CACNA2D1: variants seen among roughly 807,000 people sequenced by gnomAD.
The protein encoded by CACNA2D1 is voltage-dependent calcium channel subunit alpha-2/delta-1.
Under a neutral mutation model 171.5 loss-of-function variants are expected in CACNA2D1, and 53 were observed. That is an observed-to-expected ratio of 0.31 (90% CI 0.25 to 0.39). The LOEUF (loss-of-function observed/expected upper bound fraction) is 0.39, where lower values mean the gene tolerates loss of function less well. Among genes scored for constraint, CACNA2D1 ranks in the 10% least tolerant of loss-of-function variants. The pLI, the probability that CACNA2D1 is intolerant of heterozygous loss-of-function variation, is 1.00. For missense variants in CACNA2D1, 903 were observed against 1,299.8 expected (o/e 0.69, Z 4.69); for synonymous variants, 442 against 443.1 (o/e 1.00, Z 0.03).
At chr7:82,082,325 A>G (rs1486284885) in intron 7 of CACNA2D1, among the ~76,000 whole-genome samples, 2 of 152,084 alleles carry the variant, frequency 1.3e-5, no homozygotes, top group African/African-American at 4.8e-5. Flanking sequence ...GAGAGCAGAG[A>G]AGAATCTTAT....
intron 3 of CACNA2D1, among the ~76,000 whole-genome samples, chr7:82,297,026 G>A (rs566425671): frequency 7.1e-6 from 1 of 140,538 alleles, no homozygotes; most frequent in South Asian, 2.3e-4. Flanking sequence ...CTTAAGTCCA[G>A]GAGTTGGAGA....
chr7:82,443,293 G>C, intron 1 of CACNA2D1, 72 bp downstream of exon 1: 2 of 1,455,144 alleles, frequency 1.4e-6, no homozygotes, highest in Middle Eastern at 2.0e-4. Flanking sequence ...CCCGCGACTC[G>C]GGAACCGACC....
intron 1 of CACNA2D1, among the ~76,000 whole-genome samples, chr7:82,357,337 CTT>C (rs1171341535): frequency 6.6e-6 from 1 of 152,084 alleles, no homozygotes; most frequent in Non-Finnish European, 1.5e-5. Context: ...ACAAATTACA[CTT>C]TGTGTAATCT....
At chr7:82,345,681 A>AGTGTGT (rs3054696) in intron 2 of CACNA2D1, among the ~76,000 whole-genome samples, 11,910 of 146,350 alleles carry the variant, frequency 0.081, 624 homozygotes, top group East Asian at 0.23. Context: ...TAGCTAAAGG[A>AGTGTGT]GTGTGTGTGT....
intron 6 of CACNA2D1, among the ~76,000 whole-genome samples, chr7:82,116,777 G>A (rs924624699): frequency 1.3e-5 from 2 of 152,196 alleles, no homozygotes; most frequent in South Asian, 4.1e-4. Flanking sequence ...AACTGGGAAA[G>A]CAGAATTATT....
In CACNA2D1 at chr7:82,096,570, A is replaced by G. The variant is rs543083204; in HGVS notation, c.527-11670T>C. On this transcript the variant is annotated intron_variant, in intron 6 of 38. Transcript: ENST00000356860. ...AGCCATGGAAATATTAATATAAAGC[A>G]TTTCAATAAACCAGTAGACACAATG... Among the ~76,000 whole-genome samples the G allele has an allele frequency of 7.7e-4, 116 of 151,314 alleles. 1 individual carries two copies. The highest frequency in any genetic ancestry group is 2.7e-3 in the African/African-American group (112 of 41,154).
chr7:82,073,958 C>G (rs1165168456), intron 7 of CACNA2D1, among the ~76,000 whole-genome samples: 1 of 151,912 alleles, frequency 6.6e-6, no homozygotes, highest in East Asian at 1.9e-4. Flanking sequence ...GCTCTAGGAA[C>G]TAGGCACATA....
intron 3 of CACNA2D1, among the ~76,000 whole-genome samples, chr7:82,220,786 T>TTTC (rs1221667330): frequency 6.8e-6 from 1 of 147,624 alleles, no homozygotes; most frequent in Non-Finnish European, 1.5e-5. Flanking sequence ...TTTTTCTTTT[T>TTTC]TTTTTTTTTT....
chr7:82,389,463 T>A (rs1824839990), intron 1 of CACNA2D1, among the ~76,000 whole-genome samples: 1 of 152,144 alleles, frequency 6.6e-6, no homozygotes, highest in South Asian at 2.1e-4. Flanking sequence ...ATGTCCTGAG[T>A]TCTTCACTTC....
chr7:82,277,777 G>A (rs1460874243), intron 3 of CACNA2D1, among the ~76,000 whole-genome samples: 3 of 133,818 alleles, frequency 2.2e-5, no homozygotes, highest in African/African-American at 2.8e-5. Context: ...ATGGAGTCTC[G>A]CCCTGTCGCT....
At chr7:82,273,192 A>G (rs1476712860) in intron 3 of CACNA2D1, among the ~76,000 whole-genome samples, 1 of 152,122 alleles carries the variant, frequency 6.6e-6, no homozygotes, top group Non-Finnish European at 1.5e-5. Context: ...ATAAACTGCT[A>G]AACAATTCCA....
chr7:82,331,049 T>C (rs980735186), intron 3 of CACNA2D1, among the ~76,000 whole-genome samples: 10 of 152,126 alleles, frequency 6.6e-5, no homozygotes, highest in Non-Finnish European at 7.4e-5. Flanking sequence ...ACGGGTGATC[T>C]GCATGCATAT....
At chr7:81,970,162 A>G (rs1795119963) in intron 27 of CACNA2D1, among the ~76,000 whole-genome samples, 178 bp from the exon 28 acceptor site, 1 of 151,432 alleles carries the variant, frequency 6.6e-6, no homozygotes, top group Non-Finnish European at 1.5e-5. Context: ...GCATAGCACT[A>G]AATTAAGAAT....
intron 1 of CACNA2D1, among the ~76,000 whole-genome samples, chr7:82,408,137 C>T (rs1827259824): frequency 6.6e-6 from 1 of 151,684 alleles, no homozygotes; most frequent in Non-Finnish European, 1.5e-5. Flanking sequence ...TCTTGTGCCT[C>T]AGCCTTCTGA....
intron 3 of CACNA2D1, among the ~76,000 whole-genome samples, chr7:82,306,080 T>C (rs1813693448): frequency 6.6e-6 from 1 of 152,246 alleles, no homozygotes; most frequent in South Asian, 2.1e-4. Flanking sequence ...ATTCATATTG[T>C]CTGATCCTTT....
intron 3 of CACNA2D1, among the ~76,000 whole-genome samples, chr7:82,273,239 A>C (rs569620061): frequency 6.6e-6 from 1 of 152,038 alleles, no homozygotes; most frequent in South Asian, 2.1e-4. Context: ...ATAGTTTTTA[A>C]ATAATAATAA....
chr7:82,228,031 T>C (rs1364808378), intron 3 of CACNA2D1, among the ~76,000 whole-genome samples: 2 of 152,090 alleles, frequency 1.3e-5, no homozygotes, highest in African/African-American at 4.8e-5. Context: ...GTGAATATGA[T>C]GGACATCATT....
At chr7:82,262,385 T>C (rs1397349695) in intron 3 of CACNA2D1, among the ~76,000 whole-genome samples, 1 of 152,074 alleles carries the variant, frequency 6.6e-6, no homozygotes, top group Non-Finnish European at 1.5e-5. Context: ...AAAACAGATA[T>C]GTTATCCTTT....
At chr7:82,248,986 A>G (rs770496620) in intron 3 of CACNA2D1, among the ~76,000 whole-genome samples, 62 of 152,004 alleles carry the variant, frequency 4.1e-4, no homozygotes, top group Non-Finnish European at 7.4e-4. Context: ...GCGTGGTGGC[A>G]GGCATCTGTA....
Sources: allele counts gnomAD v4.1 joint callset (sites outside exome capture counted in the v4.1 genomes callset), GRCh38; gene constraint gnomAD v4.1.1; transcripts MANE v1.5; gene names NCBI Gene and HGNC (gene_info 2026-07-23, HGNC 2026-07-21).